The following ZMYND15 variants were observed in gnomAD, a reference collection of about 807,000 sequenced individuals.
ZMYND15 encodes the protein zinc finger MYND domain-containing protein 15.
In ZMYND15, 54 loss-of-function variants were observed where a neutral mutation model predicts 81.7. That is an observed-to-expected ratio of 0.66 (90% confidence interval 0.53 to 0.83). The LOEUF is 0.83. ZMYND15 is among the 40% of genes least tolerant of loss of function. The pLI is 0.00. For synonymous variants in ZMYND15, 399 were observed against 387.0 expected (o/e 1.03, Z -0.36); for missense variants, 925 against 973.5 (o/e 0.95, Z 0.66).
At chr17:4,741,430 CT>C in intron 2 of ZMYND15, 151 bp from the exon 3 acceptor site, 1 of 873,024 alleles carries the variant, frequency 1.1e-6, no homozygotes. Flanking sequence ...CAGCTGTCCC[CT>C]TTAGAAGGAG....
chr17:4,743,330 A>G lies in ZMYND15; in HGVS notation c.1172A>G (p.Glu391Gly). Residue 391 changes from glutamate (E) to glycine (G), a missense_variant, in exon 6 of 14, where the codon GAG becomes GGG. Physicochemically the swap from Glu to Gly is moderately conservative, Grantham distance 98 (BLOSUM62 -2). Coordinates refer to ENST00000433935, the MANE Select transcript of ZMYND15 (RefSeq NM_001136046.3). The surrounding 1 kb of genome is among the most constrained non-coding windows in gnomAD (Gnocchi z 4.3). ...GTGACCAGTGAAACCTTCAACAAAGAGGCCTTCCTGGCCTCTCGGGGCCTC... is the reference window on the plus strand; with the variant it reads ...GTGACCAGTGAAACCTTCAACAAAGGGGCCTTCCTGGCCTCTCGGGGCCTC... ...AEVTSETFNK[E>G]AFLASRGLTR... 6.2e-7 allele frequency: 1 copy of G among 1,613,888 alleles called. No individual in the cohort carries two copies. Among genetic ancestry groups the G allele is most frequent in the Non-Finnish European group, 8.5e-7 (1 of 1,179,960 alleles).
rs759140921 is a variant in ZMYND15 at position 4,745,387 on chromosome 17, C to T, written c.2057+12C>T. On this transcript the variant is annotated intron_variant, in intron 13 of 13. Coordinates refer to ENST00000433935, the MANE Select transcript of ZMYND15 (RefSeq NM_001136046.3). The surrounding 1 kb of genome is among the most constrained non-coding windows in gnomAD (Gnocchi z 5.2). Reference sequence around the variant, plus strand: ...AACTGCATGTCCTGGTAAGGGTCTGCGACCCTATTTCCTTCCTGACCCTTA... The same window carrying T: ...AACTGCATGTCCTGGTAAGGGTCTGTGACCCTATTTCCTTCCTGACCCTTA... 14 of 1,584,682 alleles carry T rather than the reference C, an allele frequency of 8.8e-6. No individual in the cohort carries two copies. Among genetic ancestry groups the T allele is most frequent in the East Asian group, 2.2e-5 (1 of 44,672 alleles).
In ZMYND15 at chr17:4,745,345, G is replaced by A. The variant is rs890848802; in HGVS notation, c.2027G>A (p.Arg676His). ...PQPNPFRSPF[R>H]LRAADNCMSW... ...CCCAACCCCTTCCGCTCCCCCTTTCGCCTCAGAGCGGCCGACAACTGCATG... is the reference window on the plus strand; with the variant it reads ...CCCAACCCCTTCCGCTCCCCCTTTCACCTCAGAGCGGCCGACAACTGCATG... Residue 676 changes from arginine to histidine, a missense_variant, in exon 13 of 14, where the codon CGC becomes CAC. Arg to His is a conservative substitution (Grantham distance 29). Transcript: ENST00000433935. The surrounding 1 kb of genome is among the most constrained non-coding windows in gnomAD (Gnocchi z 5.2). The A allele has an allele frequency of 6.2e-7, 1 of 1,609,062 alleles. No individual in the cohort carries two copies.
chr17:4,743,239 A>AAG lies in ZMYND15; in HGVS notation c.1145-63_1145-62insGA, dbSNP rs1304276349. 1.5e-6 allele frequency: 1 copy of AAG among 677,722 alleles called. No individual in the cohort carries two copies. The highest frequency in any genetic ancestry group is 3.5e-5 in the African/African-American group (1 of 28,940). 42.0% of individuals were successfully genotyped at this position (677,722 alleles called of 1,614,324 possible). ...GGGTGATAGAGCAAGACTCTGTCTC[A>AAG]AAAAAAAAAAAATGTCTGGGGTTCT... On this transcript the variant is annotated intron_variant, in intron 5 of 13. Transcript: ENST00000433935. The surrounding 1 kb of genome is among the most constrained non-coding windows in gnomAD (Gnocchi z 4.3).
rs150306547 is a variant in ZMYND15, at chr17:4,744,483, GC to G, written c.1683+19del. 5,808 of 1,613,860 alleles carry G rather than the reference GC, an allele frequency of 3.6e-3. 178 individuals are homozygous for G. In the African/African-American group the frequency reaches 0.066, roughly 18 times the overall value. On this transcript the variant is annotated intron_variant, in intron 10 of 13. Coordinates refer to ENST00000433935, the MANE Select transcript of ZMYND15 (RefSeq NM_001136046.3). This position sits in a 1 kb window ranked among gnomAD's most constrained non-coding sequence, Gnocchi z 4.1. ...CCTGCAGAGGGTGAGGGCTGAGGGG[GC>G]CCTGCTTTTCAGCCCTGACCCCTCC...
rs199761207 is a variant in ZMYND15, at chr17:4,743,795, C to A, written c.1326C>A (p.Asp442Glu). The change falls in exon 7 of 14, where the codon GAC becomes GAA. Residue 442 changes from aspartate to glutamate, a missense_variant. Transcript: ENST00000433935. This position sits in a 1 kb window ranked among gnomAD's most constrained non-coding sequence, Gnocchi z 4.3. ...GGDPYQLLQG[D>E]GTALMPPVPP... The stretch of plus-strand genomic sequence containing the variant: ...ACCCCTACCAGCTTCTCCAGGGAGA[C>A]GGGACTGCCCTGATGCCTCCTGTGC... 6.2e-7 allele frequency: 1 copy of A among 1,613,996 alleles called. No homozygotes were observed. The highest frequency in any genetic ancestry group is 1.1e-5 in the South Asian group (1 of 91,064).
Position 4,745,095 on chromosome 17 carries a change from C to A in ZMYND15, c.1897-120C>A. On this transcript the variant is annotated intron_variant, in intron 12 of 13. Transcript: ENST00000433935. This position sits in a 1 kb window ranked among gnomAD's most constrained non-coding sequence, Gnocchi z 5.2. ...CTCTCTCTGTGTCTGTCTCCGTCCT[C>A]CCCCTGCTCCCCTCCGCCCGGTCTG... 1.3e-6 allele frequency: 2 copies of A among 1,566,394 alleles called. No homozygotes were observed. Among genetic ancestry groups the A allele is most frequent in the Non-Finnish European group, 8.7e-7 (1 of 1,145,108 alleles).
rs1335852488 is a variant in ZMYND15 at position 4,744,437 on chromosome 17, A to G, written c.1653A>G (p.Glu551=). 5 of 1,613,964 alleles carry G rather than the reference A, an allele frequency of 3.1e-6. No individual in the cohort carries two copies. The highest frequency in any genetic ancestry group is 4.2e-6 in the Non-Finnish European group (5 of 1,179,966). Reference sequence around the variant, plus strand: ...TTGTAGGTGATGGCCTGCCCCCCGAAAGCGACGAGCAGCATTTTACCCTGC... The same window carrying G: ...TTGTAGGTGATGGCCTGCCCCCCGAGAGCGACGAGCAGCATTTTACCCTGC... The part of the protein sequence containing the change: ...LQFVGDGLPP[E]SDEQHFTLQR... Residue 551 remains glutamate, a synonymous_variant, in exon 10 of 14, where the codon GAA becomes GAG. Transcript: ENST00000433935. This position sits in a 1 kb window ranked among gnomAD's most constrained non-coding sequence, Gnocchi z 4.1.
rs969059503 is a variant in ZMYND15, at chr17:4,743,576, C to G, written c.1297+121C>G. 25 of 1,442,268 alleles carry G rather than the reference C, an allele frequency of 1.7e-5. No individual in the cohort carries two copies. Among genetic ancestry groups the G allele is most frequent in the Non-Finnish European group, 2.2e-5 (24 of 1,068,826 alleles). The allele number at this position is 1,442,268 out of a possible 1,614,324, so 89.3% of individuals were successfully genotyped here. A position where few individuals can be genotyped will look rare whatever the true frequency, so the allele number is the denominator to read the frequency against. The stretch of plus-strand genomic sequence containing the variant: ...TGACCCCTACCAACAGCACCAGGGC[C>G]ATTTCAGGCCTTTCCCAGCCCTCAA... On this transcript the variant is annotated intron_variant, in intron 6 of 13. Transcript: ENST00000433935. This position sits in a 1 kb window ranked among gnomAD's most constrained non-coding sequence, Gnocchi z 4.3.
Position 4,745,095 on chromosome 17 carries a change from C to G in ZMYND15, c.1897-120C>G. On this transcript the variant is annotated intron_variant, in intron 12 of 13. Coordinates refer to ENST00000433935, the MANE Select transcript of ZMYND15 (RefSeq NM_001136046.3). The surrounding 1 kb of genome is among the most constrained non-coding windows in gnomAD (Gnocchi z 5.2). The stretch of plus-strand genomic sequence containing the variant: ...CTCTCTCTGTGTCTGTCTCCGTCCT[C>G]CCCCTGCTCCCCTCCGCCCGGTCTG... The G allele has an allele frequency of 6.4e-7, 1 of 1,566,394 alleles. No homozygotes were observed. The highest frequency in any genetic ancestry group is 8.7e-7 in the Non-Finnish European group (1 of 1,145,108).
rs541113171 is a variant in ZMYND15, at chr17:4,740,939, G to C, written c.391G>C (p.Gly131Arg). The change falls in exon 2 of 14, where the codon GGG (glycine) becomes CGG (arginine). Residue 131 changes from glycine (G) to arginine (R), a missense_variant. Gly to Arg is a moderately radical substitution (Grantham distance 125). Transcript: ENST00000433935. ...EDEEEEKREDGGAGSTEKVEP... is the reference protein window; with the variant it reads ...EDEEEEKREDRGAGSTEKVEP... ...TGAAGAAGAAGAGAAGAGAGAGGAC[G>C]GGGGTGCAGGCAGCACAGAGAAGGT... The C allele has an allele frequency of 6.3e-7, 1 of 1,578,956 alleles. No homozygotes were observed. The highest frequency in any genetic ancestry group is 2.3e-5 in the East Asian group (1 of 43,834).
chr17:4,741,139 TGGTAAGAACCCAG>T lies in ZMYND15; in HGVS notation c.592+2_592+14del. On this transcript the variant is annotated splice_donor_variant and splice_donor_5th_base_variant and coding_sequence_variant and intron_variant, in exon 2 of 14. Coordinates refer to ENST00000433935, the MANE Select transcript of ZMYND15 (RefSeq NM_001136046.3). LOFTEE classifies it high-confidence loss of function. ...CCCAGAAGAGGAAGGGACAGAGGAG[TGGTAAGAACCCAG>T]GGCTGGCCCTGCCCTACCCCTTGCC... 6.9e-7 allele frequency: 1 copy of T among 1,452,006 alleles called. No individual in the cohort carries two copies. Among genetic ancestry groups the T allele is most frequent in the Non-Finnish European group, 9.1e-7 (1 of 1,096,528 alleles). The allele number at this position is 1,452,006 out of a possible 1,614,324, so 89.9% of individuals were successfully genotyped here. A position where few individuals can be genotyped will look rare whatever the true frequency, so the allele number is the denominator to read the frequency against.
chr17:4,741,722 T>C lies in ZMYND15; in HGVS notation c.733T>C (p.Tyr245His), dbSNP rs1388029883. ...SGTKDLAPWA[Y>H]ALLCHSMACP... is the part of the protein sequence containing the mutation. ...GACCAAGGACCTGGCTCCTTGGGCCTATGCTCTCCTCTGTCACAGCATGGC... is the reference window on the plus strand; with the variant it reads ...GACCAAGGACCTGGCTCCTTGGGCCCATGCTCTCCTCTGTCACAGCATGGC... Residue 245 changes from tyrosine to histidine, a missense_variant, in exon 3 of 14, where the codon TAT becomes CAT. Tyr to His is a moderately conservative substitution (Grantham distance 83). Coordinates refer to ENST00000433935, the MANE Select transcript of ZMYND15 (RefSeq NM_001136046.3). The C allele has an allele frequency of 6.2e-7, 1 of 1,613,076 alleles. No homozygotes were observed. The highest frequency in any genetic ancestry group is 1.1e-5 in the South Asian group (1 of 90,978).
In ZMYND15 at chr17:4,743,504, C is replaced by G. The variant is rs1435341963; in HGVS notation, c.1297+49C>G. The stretch of plus-strand genomic sequence containing the variant: ...GGGCCCCTTGGCCTAGAGGGAAGGA[C>G]TGGGAAGAAGTTGTCTGGGTCCCAG... On this transcript the variant is annotated intron_variant, in intron 6 of 13. Transcript: ENST00000433935. This position sits in a 1 kb window ranked among gnomAD's most constrained non-coding sequence, Gnocchi z 4.3. 3 of 1,604,764 alleles carry G rather than the reference C, an allele frequency of 1.9e-6. No homozygotes were observed. Among genetic ancestry groups the G allele is most frequent in the Non-Finnish European group, 2.5e-6 (3 of 1,176,658 alleles).
At position 4,745,767 on chromosome 17, in the gene ZMYND15, A is replaced by T. The variant is rs569041151; in HGVS notation, c.2058-52A>T. The T allele has an allele frequency of 7.1e-7, 1 of 1,398,964 alleles. No homozygotes were observed. Among genetic ancestry groups the T allele is most frequent in the Non-Finnish European group, 9.5e-7 (1 of 1,051,682 alleles). The allele number at this position is 1,398,964 out of a possible 1,614,324, so 86.7% of individuals were successfully genotyped here. On this transcript the variant is annotated intron_variant, in intron 13 of 13. Transcript: ENST00000433935. This position sits in a 1 kb window ranked among gnomAD's most constrained non-coding sequence, Gnocchi z 5.2. ...GGAGCCCCGACCCCTGGGAGCGCCG[A>T]CCCCTGGGAGTCCCGCCCCGTGGTC...
Position 4,743,914 on chromosome 17 carries a change from G to T in ZMYND15, c.1378+67G>T. On this transcript the variant is annotated intron_variant, in intron 7 of 13. Coordinates refer to ENST00000433935, the MANE Select transcript of ZMYND15 (RefSeq NM_001136046.3). This position sits in a 1 kb window ranked among gnomAD's most constrained non-coding sequence, Gnocchi z 4.3. ...GGACTGGAGAACCAGAGCCTGGGTGGCTGTGAAGAAGAGGTTTGTTAGACT... is the reference window on the plus strand; with the variant it reads ...GGACTGGAGAACCAGAGCCTGGGTGTCTGTGAAGAAGAGGTTTGTTAGACT... 6.3e-7 allele frequency: 1 copy of T among 1,591,608 alleles called. No homozygotes were observed. The highest frequency in any genetic ancestry group is 1.1e-5 in the South Asian group (1 of 89,028).
At position 4,745,884 on chromosome 17, in the gene ZMYND15, C is replaced by T. The variant is rs1298408107; in HGVS notation, c.2123C>T (p.Ala708Val). The change falls in exon 14 of 14, where the codon GCG becomes GTG. Residue 708 changes from alanine (A) to valine (V), a missense_variant. Physicochemically the swap from Ala to Val is moderately conservative, Grantham distance 64. Coordinates refer to ENST00000433935, the MANE Select transcript of ZMYND15 (RefSeq NM_001136046.3). This position sits in a 1 kb window ranked among gnomAD's most constrained non-coding sequence, Gnocchi z 5.2. The part of the protein sequence containing the change: ...KPAQGSGARP[A>V]PGPPPPSPTP... The stretch of plus-strand genomic sequence containing the variant: ...GCTCAAGGGAGCGGGGCCCGCCCGG[C>T]GCCCGGGCCCCCACCCCCATCCCCA... 6.4e-7 allele frequency: 1 copy of T among 1,567,362 alleles called. No homozygotes were observed. Among genetic ancestry groups the T allele is most frequent in the Non-Finnish European group, 8.6e-7 (1 of 1,158,848 alleles).
chr17:4,745,695 T>G lies in ZMYND15; in HGVS notation c.2058-124T>G. ...GGGGCAAGCCCCGCCCCCTGGTCCC[T>G]GACCGCCCGGTGGAGCCCCGCCCCC... On this transcript the variant is annotated intron_variant, in intron 13 of 13. Transcript: ENST00000433935. The surrounding 1 kb of genome is among the most constrained non-coding windows in gnomAD (Gnocchi z 5.2). 1.1e-5 allele frequency: 6 copies of G among 530,578 alleles called. No individual in the cohort carries two copies. Among genetic ancestry groups the G allele is most frequent in the East Asian group, 4.0e-5 (1 of 24,956 alleles). 32.9% of individuals were successfully genotyped at this position (530,578 alleles called of 1,614,324 possible).
In ZMYND15 at chr17:4,743,561, CA is replaced by C; in HGVS notation, c.1297+108del. ...CCTCCACATACACACTGACCCCTAC[CA>C]ACAGCACCAGGGCCATTTCAGGCCT... is the stretch of plus-strand genomic sequence containing the variant. On this transcript the variant is annotated intron_variant, in intron 6 of 13. Coordinates refer to ENST00000433935, the MANE Select transcript of ZMYND15 (RefSeq NM_001136046.3). This position sits in a 1 kb window ranked among gnomAD's most constrained non-coding sequence, Gnocchi z 4.3. 1 of 1,496,508 alleles carries C rather than the reference CA, an allele frequency of 6.7e-7. No homozygotes were observed. The highest frequency in any genetic ancestry group is 9.0e-7 in the Non-Finnish European group (1 of 1,109,834). The allele number at this position is 1,496,508 out of a possible 1,614,324, so 92.7% of individuals were successfully genotyped here. A position where few individuals can be genotyped will look rare whatever the true frequency, so the allele number is the denominator to read the frequency against.
Sources: gnomAD v4.1 joint callset for allele counts on GRCh38, gnomAD v4.1.1 for gene constraint, Gnocchi (gnomAD v3.1) non-coding constraint, MANE v1.5 for transcripts, NCBI Gene and HGNC (gene_info 2026-07-23, HGNC 2026-07-21) for gene names.